DOK6: variants seen among roughly 807,000 people sequenced by gnomAD.
DOK6 encodes docking protein 6.
In DOK6, 22 loss-of-function variants were observed where a neutral mutation model predicts 44.0. That is an observed-to-expected ratio of 0.50 (90% CI 0.36 to 0.71). DOK6 has a LOEUF of 0.71. Among genes scored for constraint, DOK6 ranks in the 30% least tolerant of loss-of-function variants. The pLI, the probability that DOK6 is intolerant of heterozygous loss-of-function variation, is 0.00. For synonymous variants in DOK6, 166 were observed against 145.5 expected, an observed-to-expected ratio of 1.14 and a Z score of -1.01; for missense variants, 340 against 416.4, an observed-to-expected ratio of 0.82 and a Z score of 1.60.
chr18:69,691,197 A>AAATAAATG (rs1986257506), intron 4 of DOK6, among the ~76,000 whole-genome samples: 1 of 146,640 alleles, frequency 6.8e-6, no homozygotes, highest in Admixed American at 7.0e-5. Context: ...ATAAATAAAT[A>AAATAAATG]AATAAATAAA....
chr18:69,611,289 T>C (rs12326139), intron 3 of DOK6, among the ~76,000 whole-genome samples: 131,552 of 152,124 alleles, frequency 0.86, 57,626 homozygotes, highest in Non-Finnish European at 0.95. Flanking sequence ...TGACAGTTTT[T>C]AAAATTAGCC....
intron 1 of DOK6, among the ~76,000 whole-genome samples, chr18:69,544,611 C>T (rs1294210649): frequency 6.6e-6 from 1 of 151,456 alleles, no homozygotes; most frequent in Non-Finnish European, 1.5e-5. Context: ...TGTGCTCAGG[C>T]CACAGTTTCA....
intron 1 of DOK6, among the ~76,000 whole-genome samples, chr18:69,498,973 C>A (rs1161247926): frequency 5.3e-5 from 8 of 152,130 alleles, no homozygotes; most frequent in Non-Finnish European, 1.2e-4. Context: ...GAAAAATCTT[C>A]CCTTGTTTTA....
chr18:69,568,020 G>A (rs1983026588), intron 2 of DOK6, among the ~76,000 whole-genome samples: 2 of 152,154 alleles, frequency 1.3e-5, no homozygotes, highest in Admixed American at 1.3e-4. Flanking sequence ...GCCCAAGCTG[G>A]TTTCTGGCTC....
chr18:69,754,805 AT>A (rs1568116596), intron 6 of DOK6, among the ~76,000 whole-genome samples: 1 of 152,214 alleles, frequency 6.6e-6, no homozygotes, highest in East Asian at 1.9e-4. Flanking sequence ...CTTAACCTTC[AT>A]TAAGCTCTTT....
At chr18:69,838,445 T>A (rs561667908) in intron 7 of DOK6, among the ~76,000 whole-genome samples, 94 of 152,266 alleles carry the variant, frequency 6.2e-4, no homozygotes, top group Non-Finnish European at 1.1e-3. Context: ...AACTTTGTCA[T>A]TTCATCATGC....
intron 7 of DOK6, among the ~76,000 whole-genome samples, chr18:69,769,328 A>G (rs1438959433): frequency 6.6e-6 from 1 of 152,054 alleles, no homozygotes; most frequent in Admixed American, 6.6e-5. Flanking sequence ...ATAAACATGG[A>G]AAGTTTCCTC....
Position 69,766,806 on chromosome 18 carries a change from C to T in DOK6, c.856+8933C>T, listed in dbSNP as rs574128001. ...GCTGTAAACCAAACTCTCACTATGA[C>T]GTTTCTTTTTTCTGGCAGAGGCAGA... On this transcript the variant is annotated intron_variant, in intron 7 of 7. Transcript: ENST00000382713. 3.6e-3 allele frequency among the ~76,000 whole-genome samples: 554 copies of T among 152,234 alleles called. 2 individuals carry two copies. Among genetic ancestry groups the T allele is most frequent in the Non-Finnish European group, 6.7e-3 (458 of 68,022 alleles).
chr18:69,805,969 T>C (rs1406048471), intron 7 of DOK6, among the ~76,000 whole-genome samples: 1 of 151,972 alleles, frequency 6.6e-6, no homozygotes, highest in Non-Finnish European at 1.5e-5. Context: ...AGATTATGTA[T>C]GCATATGGGA....
At chr18:69,567,580 A>G (rs1251975682) in intron 2 of DOK6, among the ~76,000 whole-genome samples, 1 of 152,202 alleles carries the variant, frequency 6.6e-6, no homozygotes, top group East Asian at 1.9e-4. Flanking sequence ...GAATTAGACT[A>G]CAAGTGATGA....
chr18:69,435,089 AGG>A (rs1568256630), intron 1 of DOK6, among the ~76,000 whole-genome samples: 132 of 150,266 alleles, frequency 8.8e-4, no homozygotes, highest in South Asian at 2.7e-3. Flanking sequence ...GAAGGAAGGA[AGG>A]AAAGAAGGAA....
chr18:69,613,223 G>A (rs1002005657), intron 3 of DOK6, among the ~76,000 whole-genome samples: 2 of 152,148 alleles, frequency 1.3e-5, no homozygotes, highest in Non-Finnish European at 2.9e-5. Flanking sequence ...TGCTTGTGAT[G>A]TGAGAGTGAA....
At position 69,848,616 on chromosome 18, in the gene DOK6, A is replaced by AT. The variant is rs1392534338; in HGVS notation, c.*7238dup. On this transcript the variant is annotated 3_prime_UTR_variant, in exon 8 of 8. Coordinates refer to ENST00000382713, the MANE Select transcript of DOK6 (RefSeq NM_152721.6). ...AATTATTTTTAAATCTGTCTGTGTGATTTTTCCCCTTGGTAAAAATACATG... is the reference window on the plus strand; with the variant it reads ...AATTATTTTTAAATCTGTCTGTGTGATTTTTTCCCCTTGGTAAAAATACATG... 6.6e-6 allele frequency: 1 copy of AT among 152,210 alleles called. No individual in the cohort carries two copies. Among genetic ancestry groups the AT allele is most frequent in the Non-Finnish European group, 1.5e-5 (1 of 68,020 alleles). The allele number at this position is 152,210 out of a possible 1,614,324, so 9.4% of individuals were successfully genotyped here.
chr18:69,645,439 A>G (rs978286937), intron 3 of DOK6, among the ~76,000 whole-genome samples: 8 of 152,222 alleles, frequency 5.3e-5, no homozygotes, highest in African/African-American at 1.9e-4. Context: ...ACACACAGTG[A>G]ATAAAACATA....
At chr18:69,413,011 A>G (rs756626073) in intron 1 of DOK6, among the ~76,000 whole-genome samples, 1 of 152,118 alleles carries the variant, frequency 6.6e-6, no homozygotes, top group African/African-American at 2.4e-5. Flanking sequence ...TGCTGCATCT[A>G]TTGTCTCAAG....
chr18:69,510,416 T>C (rs1184117659), intron 1 of DOK6, among the ~76,000 whole-genome samples: 8 of 152,202 alleles, frequency 5.3e-5, no homozygotes, highest in African/African-American at 1.2e-4. Context: ...CTACTGATTT[T>C]ATTAACTTCT....
chr18:69,533,781 A>G (rs1403214329), intron 1 of DOK6, among the ~76,000 whole-genome samples: 1 of 152,124 alleles, frequency 6.6e-6, no homozygotes, highest in Non-Finnish European at 1.5e-5. Context: ...TATAATTTCT[A>G]AATGATTTGG....
intron 3 of DOK6, among the ~76,000 whole-genome samples, chr18:69,634,479 T>A (rs1357030284): frequency 6.6e-6 from 1 of 152,214 alleles, no homozygotes; most frequent in East Asian, 1.9e-4. Flanking sequence ...CTTCAGCATG[T>A]CATTTAAGTT....
intron 1 of DOK6, among the ~76,000 whole-genome samples, chr18:69,546,375 A>G (rs908835927): frequency 6.6e-6 from 1 of 151,424 alleles, no homozygotes; most frequent in Non-Finnish European, 1.5e-5. Context: ...TATACATACA[A>G]TGATAGCATG....
Sources: gnomAD v4.1 joint callset for allele counts (sites outside exome capture counted in the v4.1 genomes callset) on GRCh38, gnomAD v4.1.1 for gene constraint, MANE v1.5 for transcripts, NCBI Gene and HGNC (gene_info 2026-07-23, HGNC 2026-07-21) for gene names.